Variants in ZNF615 observed in about 807,000 individuals in gnomAD.
The protein encoded by ZNF615 is zinc finger protein 615.
A neutral mutation model predicts 15.3 loss-of-function variants in ZNF615; 15 were observed. That is an observed-to-expected ratio of 0.98 (90% CI 0.66 to 1.51). The LOEUF (loss-of-function observed/expected upper bound fraction) is 1.51, where lower values mean the gene tolerates loss of function less well. Among genes scored for constraint, ZNF615 ranks in the 40% most tolerant of loss-of-function variants. The pLI is 0.00. For missense variants in ZNF615, 848 were observed against 895.9 expected (o/e 0.95, Z 0.68); for synonymous variants, 268 against 294.6 (o/e 0.91, Z 0.92).
Position 51,993,026 on chromosome 19 carries a change from C to T in ZNF615, c.2083G>A (p.Asp695Asn), listed in dbSNP as rs771309649. ...TTTGTAGTGAAGGCTTTCCCGCAGT[C>T]ACTGCATTTGTACGGTTTCTCTCCT... Reference protein sequence around the residue: ...HTGEKPYKCSDCGKAFTTKSG... With the variant: ...HTGEKPYKCSNCGKAFTTKSG... Residue 695 changes from aspartate (D) to asparagine (N), a missense_variant, in exon 7 of 7, where the codon GAC becomes AAC. Asp to Asn is a conservative substitution (Grantham distance 23). Coordinates refer to ENST00000598071, the MANE Select transcript of ZNF615 (RefSeq NM_001199324.2). 6.2e-7 allele frequency: 1 copy of T among 1,614,196 alleles called. No individual in the cohort carries two copies. Among genetic ancestry groups the T allele is most frequent in the South Asian group, 1.1e-5 (1 of 91,088 alleles).
rs934678039 is a variant in ZNF615, at chr19:51,993,695, A to G, written c.1414T>C (p.Cys472Arg). ...CTCTTCATGGTGAAACCTTTTCGAC[A>G]TTCGGTGCATACATAGGGTTTCTCT... is the stretch of plus-strand genomic sequence containing the variant. ...TGEKPYVCTE[C>R]RKGFTMKSDL... is the part of the protein sequence containing the mutation. The change falls in exon 7 of 7, where the codon TGT becomes CGT. Residue 472 changes from cysteine (C) to arginine (R), a missense_variant. Cys to Arg is a radical substitution (Grantham distance 180). Transcript: ENST00000598071. 1 of 1,613,954 alleles carries G rather than the reference A, an allele frequency of 6.2e-7. No individual in the cohort carries two copies. The highest frequency in any genetic ancestry group is 1.3e-5 in the African/African-American group (1 of 74,982).
chr19:51,995,294 AAGGCT>A (rs1432395577), intron 6 of ZNF615, among the ~76,000 whole-genome samples: 1 of 152,234 alleles, frequency 6.6e-6, no homozygotes, highest in African/African-American at 2.4e-5. Flanking sequence ...CTGTACAAAC[AAGGCT>A]AGATAATTCA....
rs749625644 is a variant in ZNF615 at position 51,993,523 on chromosome 19, CCA to C, written c.1584_1585del (p.Cys528TrpfsTer27). 1.2e-5 allele frequency: 20 copies of C among 1,613,694 alleles called. No individual in the cohort carries two copies. Among genetic ancestry groups the C allele is most frequent in the Non-Finnish European group, 1.3e-5 (15 of 1,179,966 alleles). On this transcript the variant is annotated frameshift_variant, in exon 7 of 7. Coordinates refer to ENST00000598071, the MANE Select transcript of ZNF615 (RefSeq NM_001199324.2). LOFTEE classifies it low-confidence loss of function (END_TRUNC). ...CCGGATCTTTGCTGGAAAGCCTTTTCCACACTCACCACATACATAGGGTTTTT... is the reference window on the plus strand; with the variant it reads ...CCGGATCTTTGCTGGAAAGCCTTTTCCACTCACCACATACATAGGGTTTTT...
chr19:52,002,567 A>G (rs1459502033), intron 3 of ZNF615: 1 of 491,384 alleles, frequency 2.0e-6, no homozygotes, highest in African/African-American at 1.9e-5. Flanking sequence ...TCCCAATACC[A>G]AACTAGTCAT....
Position 51,993,584 on chromosome 19 carries a change from G to A in ZNF615, c.1525C>T (p.Arg509Cys), listed in dbSNP as rs771814605. 5.1e-5 allele frequency: 82 copies of A among 1,613,116 alleles called. No individual in the cohort carries two copies. Among genetic ancestry groups the A allele is most frequent in the South Asian group, 4.5e-4 (41 of 91,026 alleles). The stretch of plus-strand genomic sequence containing the variant: ...TGAGTTCGCTGATGCACAATAAGGC[G>A]GCTCTTCACAGTGAAGCCTTTTCCA... ...DCGKGFTVKSRLIVHQRTHTG... is the reference protein window; with the variant it reads ...DCGKGFTVKSCLIVHQRTHTG... The change falls in exon 7 of 7, where the codon CGC becomes TGC. Residue 509 changes from arginine to cysteine, a missense_variant. Arg to Cys is a radical substitution (Grantham distance 180, BLOSUM62 -3). Coordinates refer to ENST00000598071, the MANE Select transcript of ZNF615 (RefSeq NM_001199324.2).
chr19:52,003,123 G>A (rs893721120), intron 3 of ZNF615, among the ~76,000 whole-genome samples: 27 of 146,670 alleles, frequency 1.8e-4, no homozygotes, highest in Non-Finnish European at 3.4e-4. Context: ...CACAGCGCCT[G>A]GCCATGATTA....
chr19:52,006,351 G>A (rs185291918), intron 2 of ZNF615, among the ~76,000 whole-genome samples: 2 of 152,192 alleles, frequency 1.3e-5, no homozygotes, highest in African/African-American at 4.8e-5. Flanking sequence ...AGAGATAATC[G>A]TGAGGAAAAG....
At chr19:51,997,286 C>G (rs1176563094) in intron 6 of ZNF615, among the ~76,000 whole-genome samples, 1 of 152,092 alleles carries the variant, frequency 6.6e-6, no homozygotes, top group Admixed American at 6.5e-5. Context: ...GCCTGGGTAA[C>G]AGAGTAGAAA....
At chr19:52,004,834 AGC>A (rs1309791499) in intron 2 of ZNF615, 3 of 152,246 alleles carry the variant, frequency 2.0e-5, no homozygotes, top group African/African-American at 7.2e-5. Flanking sequence ...CTCCAGTGTA[AGC>A]AGAGGAGCAA....
chr19:51,997,236 T>C (rs887679188), intron 6 of ZNF615, among the ~76,000 whole-genome samples: 45 of 152,050 alleles, frequency 3.0e-4, no homozygotes, highest in African/African-American at 1.0e-3. Context: ...GCCCAGGAGA[T>C]TGAGGCTGCA....
intron 2 of ZNF615, chr19:52,004,478 C>T (rs2086691973): frequency 6.6e-6 from 1 of 152,092 alleles, no homozygotes; most frequent in Non-Finnish European, 1.5e-5. Flanking sequence ...ACTGCAACCT[C>T]CATCTCCTGG....
At position 52,000,368 on chromosome 19, in the gene ZNF615, A is replaced by G. The variant is rs1014146293; in HGVS notation, c.249T>C (p.Gly83=). The change falls in exon 6 of 7, where the codon GGT becomes GGC. Residue 83 remains glycine (G), a synonymous_variant. Coordinates refer to ENST00000598071, the MANE Select transcript of ZNF615 (RefSeq NM_001199324.2). ...IYSRICSDSG[G]ASGGAYAEIR... Reference sequence around the variant, plus strand: ...AACCTGCATATGCACCTCCTGATGCACCTCCTGAATCTAAAATAAAAACAT... The same window carrying G: ...AACCTGCATATGCACCTCCTGATGCGCCTCCTGAATCTAAAATAAAAACAT... 1.6e-6 allele frequency: 1 copy of G among 630,346 alleles called. No individual in the cohort carries two copies. Among genetic ancestry groups the G allele is most frequent in the Non-Finnish European group, 2.9e-6 (1 of 344,368 alleles). The allele number at this position is 630,346 out of a possible 1,614,324, so 39.0% of individuals were successfully genotyped here.
In ZNF615 at chr19:51,991,696, C is replaced by T. The variant is rs1375548613; in HGVS notation, c.*1184G>A. ...TGCATTGATGCAACATTCTGAATCT[C>T]GATTACGGTGGTGGTGACATGAATC... On this transcript the variant is annotated 3_prime_UTR_variant, in exon 7 of 7. Transcript: ENST00000598071. 2 of 152,070 alleles carry T rather than the reference C, an allele frequency of 1.3e-5. No homozygotes were observed. The highest frequency in any genetic ancestry group is 2.9e-5 in the Non-Finnish European group (2 of 68,028). The allele number at this position is 152,070 out of a possible 1,614,324, so 9.4% of individuals were successfully genotyped here.
chr19:52,007,100 G>A (rs1213366288), intron 2 of ZNF615, among the ~76,000 whole-genome samples, 193 bp downstream of exon 2: 1 of 152,090 alleles, frequency 6.6e-6, no homozygotes, highest in African/African-American at 2.4e-5. Context: ...TAATGTGAAT[G>A]CACTTATAGT....
intron 6 of ZNF615, among the ~76,000 whole-genome samples, chr19:51,996,402 A>AAACAAC (rs1555771246): frequency 1.5e-5 from 2 of 134,364 alleles, no homozygotes; most frequent in East Asian, 4.4e-4. Flanking sequence ...AAAAAAAAAA[A>AAACAAC]AAAAAACGCA....
At chr19:52,006,305 C>T (rs548118460) in intron 2 of ZNF615, among the ~76,000 whole-genome samples, 11 of 152,076 alleles carry the variant, frequency 7.2e-5, no homozygotes, top group South Asian at 2.1e-4. Context: ...AATATAAATA[C>T]AAATTTTACA....
chr19:51,993,944 C>G lies in ZNF615; in HGVS notation c.1165G>C (p.Gly389Arg), dbSNP rs548281526. 1.2e-6 allele frequency: 2 copies of G among 1,614,152 alleles called. No homozygotes were observed. The highest frequency in any genetic ancestry group is 4.5e-5 in the East Asian group (2 of 44,880). ...CTGTTCTTCAAGGTGAAGCCTTTCC[C>G]ACATTTATTGCATATAAAGGGTTTC... ...GEKPFICNKC[G>R]KGFTLKNSLI... is the part of the protein sequence containing the mutation. Residue 389 changes from glycine to arginine, a missense_variant, in exon 7 of 7, where the codon GGG becomes CGG. Transcript: ENST00000598071.
At chr19:51,999,301 A>G (rs1338687531) in intron 6 of ZNF615, among the ~76,000 whole-genome samples, 1 of 152,200 alleles carries the variant, frequency 6.6e-6, no homozygotes, top group East Asian at 1.9e-4. Context: ...TGTTACACAG[A>G]CTCAGTGCAG....
intron 6 of ZNF615, 129 bp downstream of exon 6, chr19:52,000,217 T>TC (rs1030669336): frequency 4.5e-6 from 2 of 448,636 alleles, no homozygotes; most frequent in African/African-American, 4.0e-5. Context: ...CACTGGGGAC[T>TC]CCAAGAGGAA....
Sources: allele counts gnomAD v4.1 joint callset (sites outside exome capture counted in the v4.1 genomes callset), GRCh38; gene constraint gnomAD v4.1.1; transcripts MANE v1.5; gene names NCBI Gene and HGNC (gene_info 2026-07-23, HGNC 2026-07-21).